The following GRTP1 variants were observed in gnomAD, a reference collection of about 807,000 sequenced individuals.
GRTP1 encodes the protein growth hormone regulated TBC protein 1, also known as growth hormone-regulated TBC protein 1.
GRTP1 carries 56 observed loss-of-function variants against 38.1 expected under a neutral mutation model. The observed-to-expected ratio is 1.47, with a 90% CI of 1.19 to 1.84. The LOEUF (loss-of-function observed/expected upper bound fraction) is 1.84, where lower values mean the gene tolerates loss of function less well. GRTP1 is among the 40% of genes most tolerant of loss of function. GRTP1 has a pLI of 0.00. For synonymous variants in GRTP1, 217 were observed against 189.5 expected (o/e 1.14, Z -1.19); for missense variants, 506 against 453.9 (o/e 1.11, Z -1.04).
chr13:113,330,239 G>A (rs1292532552), intron 5 of GRTP1, among the ~76,000 whole-genome samples: 3 of 147,864 alleles, frequency 2.0e-5, no homozygotes, highest in African/African-American at 7.7e-5. Flanking sequence ...AAACCCGGGT[G>A]TGTGCATGGA....
intron 7 of GRTP1, 80 bp downstream of exon 7, chr13:113,325,581 G>T: frequency 1.2e-6 from 2 of 1,607,986 alleles, no homozygotes; most frequent in Non-Finnish European, 1.7e-6. Context: ...TGCACCCTCC[G>T]GGTGGTCAGA....
chr13:113,335,774 G>A (rs1361242696), intron 5 of GRTP1, among the ~76,000 whole-genome samples: 1 of 3,058 alleles, frequency 3.3e-4, no homozygotes, highest in African/African-American at 1.1e-3. Flanking sequence ...TTCCCTCCAT[G>A]CTGCTGAAAT....
intron 5 of GRTP1, among the ~76,000 whole-genome samples, chr13:113,330,410 A>G (rs543810064): frequency 9.6e-5 from 9 of 93,584 alleles, no homozygotes; most frequent in Admixed American, 4.4e-4. Flanking sequence ...GTGCATGGAA[A>G]CCCGGGTGTG....
chr13:113,334,394 G>A (rs890365771), intron 5 of GRTP1, among the ~76,000 whole-genome samples: 3 of 148,236 alleles, frequency 2.0e-5, no homozygotes, highest in African/African-American at 4.9e-5. Flanking sequence ...TAAAGGAATC[G>A]AGAAAAACAG....
chr13:113,334,076 C>T (rs2042919929), intron 5 of GRTP1, among the ~76,000 whole-genome samples: 1 of 152,168 alleles, frequency 6.6e-6, no homozygotes, highest in Admixed American at 6.5e-5. Flanking sequence ...CCCAGGTGAT[C>T]TGCCCACCTC....
Position 113,342,686 on chromosome 13 carries a change from C to T in GRTP1, c.562+2177G>A, listed in dbSNP as rs944072353. The stretch of plus-strand genomic sequence containing the variant: ...AGGATGACTGTGGCACTGAAACGAC[C>T]TACTTCGGTCACTGTAACTTAGAGA... On this transcript the variant is annotated intron_variant, in intron 5 of 7. Coordinates refer to ENST00000375431, the MANE Select transcript of GRTP1 (RefSeq NM_024719.4). The surrounding 1 kb of genome is among the most constrained non-coding windows in gnomAD (Gnocchi z 4.5). Among the ~76,000 whole-genome samples, 2 of 152,144 alleles carry T rather than the reference C, an allele frequency of 1.3e-5. No individual in the cohort carries two copies. The highest frequency in any genetic ancestry group is 2.4e-5 in the African/African-American group (1 of 41,422).
At chr13:113,332,089 T>TA (rs2042879144) in intron 5 of GRTP1, among the ~76,000 whole-genome samples, 1 of 151,738 alleles carries the variant, frequency 6.6e-6, no homozygotes, top group Admixed American at 6.6e-5. Context: ...GGCAACAAAA[T>TA]AAAAAATAAA....
chr13:113,324,701 G>A, intron 7 of GRTP1, 124 bp from the exon 8 acceptor site: 3 of 1,447,584 alleles, frequency 2.1e-6, no homozygotes, highest in Non-Finnish European at 2.7e-6. Context: ...CACATCCAAG[G>A]GCTTCTGGGG....
intron 3 of GRTP1, among the ~76,000 whole-genome samples, chr13:113,352,289 TATTTATATATA>T (rs1177600607): frequency 5.1e-4 from 31 of 60,796 alleles, no homozygotes; most frequent in South Asian, 1.1e-3. Flanking sequence ...TATTTATATA[TATTTATATATA>T]TTTTATATAT....
At chr13:113,357,878 A>G (rs1463751161) in intron 2 of GRTP1, among the ~76,000 whole-genome samples, 1 of 152,144 alleles carries the variant, frequency 6.6e-6, no homozygotes, top group Non-Finnish European at 1.5e-5. Context: ...ACACCTGGAA[A>G]TCATATATTT....
intron 5 of GRTP1, among the ~76,000 whole-genome samples, chr13:113,344,353 G>A (rs2043067699): frequency 6.6e-6 from 1 of 152,190 alleles, no homozygotes; most frequent in African/African-American, 2.4e-5. Context: ...AGTTGCTGCA[G>A]CCGGACCCTG....
At position 113,324,457 on chromosome 13, in the gene GRTP1, TAG is replaced by T. The variant is rs1346866871; in HGVS notation, c.*29_*30del. On this transcript the variant is annotated 3_prime_UTR_variant, in exon 8 of 8. Coordinates refer to ENST00000375431, the MANE Select transcript of GRTP1 (RefSeq NM_024719.4). ...ACTCTGGAAAGGGGCATCGTCAGTGTAGAGACGAGCAACGCAGGGGACAGGCA... is the reference window on the plus strand; with the variant it reads ...ACTCTGGAAAGGGGCATCGTCAGTGTAGACGAGCAACGCAGGGGACAGGCA... 6.3e-7 allele frequency: 1 copy of T among 1,575,202 alleles called. No individual in the cohort carries two copies. Among genetic ancestry groups the T allele is most frequent in the East Asian group, 2.3e-5 (1 of 43,154 alleles).
At chr13:113,329,448 AGCACCT>A (rs2042824685) in intron 5 of GRTP1, among the ~76,000 whole-genome samples, 1 of 151,068 alleles carries the variant, frequency 6.6e-6, no homozygotes, top group South Asian at 2.1e-4. Context: ...CGTGGTGGCC[AGCACCT>A]GTAATCCCAG....
chr13:113,346,090 AGACATCTGTGGCCGAGAAC>A (rs2043110631), intron 4 of GRTP1, among the ~76,000 whole-genome samples: 1 of 10,906 alleles, frequency 9.2e-5, no homozygotes, highest in Non-Finnish European at 1.9e-4. Context: ...AGACCTGGGA[AGACATCTGTGGCCGAGAAC>A]AGACCCGGGA....
chr13:113,334,778 A>C (rs1260991534), intron 5 of GRTP1, among the ~76,000 whole-genome samples: 1 of 152,090 alleles, frequency 6.6e-6, no homozygotes, highest in African/African-American at 2.4e-5. Context: ...GCAGTGGAGG[A>C]CTGATGGCCT....
At chr13:113,346,108 A>AGACCCGGGAGGACCTCTGTGGACAAGAG (rs2043112042) in intron 4 of GRTP1, among the ~76,000 whole-genome samples, 1 of 44,028 alleles carries the variant, frequency 2.3e-5, no homozygotes, top group African/African-American at 1.3e-4. Context: ...GTGGCCGAGA[A>AGACCCGGGAGGACCTCTGTGGACAAGAG]CAGACCCGGG....
chr13:113,357,901 T>A (rs2043425294), intron 2 of GRTP1, among the ~76,000 whole-genome samples: 1 of 152,096 alleles, frequency 6.6e-6, no homozygotes, highest in South Asian at 2.1e-4. Context: ...AACTGCGGCC[T>A]GGCGTGGTGG....
At chr13:113,356,094 T>C (rs2043380250) in intron 2 of GRTP1, among the ~76,000 whole-genome samples, 1 of 152,204 alleles carries the variant, frequency 6.6e-6, no homozygotes, top group Non-Finnish European at 1.5e-5. Context: ...TAGTCAATAC[T>C]GAGTAATTTC....
intron 2 of GRTP1, among the ~76,000 whole-genome samples, chr13:113,357,404 C>G (rs564998354): frequency 2.8e-5 from 4 of 143,864 alleles, no homozygotes; most frequent in African/African-American, 1.0e-4. Context: ...GAGATCACGC[C>G]GCTGCACTCC....
Sources: gnomAD v4.1 joint callset for allele counts (sites outside exome capture counted in the v4.1 genomes callset) on GRCh38, gnomAD v4.1.1 for gene constraint, Gnocchi (gnomAD v3.1) non-coding constraint, MANE v1.5 for transcripts, NCBI Gene and HGNC (gene_info 2026-07-23, HGNC 2026-07-21) for gene names.